PLA2G4E: variants seen among roughly 807,000 people sequenced by gnomAD.
PLA2G4E encodes the protein cytosolic phospholipase A2 epsilon.
In PLA2G4E, 84 loss-of-function variants were observed where a neutral mutation model predicts 109.1. That is an observed-to-expected ratio of 0.77 (90% confidence interval 0.65 to 0.92). PLA2G4E has a LOEUF of 0.92. PLA2G4E is among the 40% of genes least tolerant of loss of function. PLA2G4E has a pLI of 0.00. For synonymous variants in PLA2G4E, 469 were observed against 436.1 expected, an observed-to-expected ratio of 1.08 and a Z score of -0.94; for missense variants, 1,057 against 1,076.6, an observed-to-expected ratio of 0.98 and a Z score of 0.25.
In PLA2G4E at chr15:42,007,727, A is replaced by G; in HGVS notation, c.393+2T>C. On this transcript the variant is annotated splice_donor_variant, in intron 3 of 19. Transcript: ENST00000399518. LOFTEE classifies it high-confidence loss of function. The stretch of plus-strand genomic sequence containing the variant: ...AGACAGGTGCAGTCCTCCATGTCTC[A>G]CCTTCACTCGGCTCTGGATCTGGAA... 2 of 1,611,504 alleles carry G rather than the reference A, an allele frequency of 1.2e-6. No homozygotes were observed. The highest frequency in any genetic ancestry group is 1.7e-6 in the Non-Finnish European group (2 of 1,178,882).
chr15:42,032,785 A>T (rs910381088), intron 1 of PLA2G4E, among the ~76,000 whole-genome samples: 2 of 152,220 alleles, frequency 1.3e-5, no homozygotes, highest in African/African-American at 2.4e-5. Flanking sequence ...CAGACTAAAA[A>T]TTGTGTTTGA....
In PLA2G4E at chr15:41,984,916, G is replaced by A. The variant is rs547850788; in HGVS notation, c.2203-297C>T. 3.0e-4 allele frequency among the ~76,000 whole-genome samples: 46 copies of A among 152,308 alleles called. 1 individual carries two copies. The highest frequency in any genetic ancestry group is 1.1e-3 in the African/African-American group (45 of 41,570). The stretch of plus-strand genomic sequence containing the variant: ...GATGTGGTGGGTAGCCTGGAAGGGC[G>A]ACTGGAACCAGGCTATACACAGCCA... On this transcript the variant is annotated intron_variant, in intron 18 of 19. Transcript: ENST00000399518.
intron 7 of PLA2G4E, 35 bp from the exon 8 acceptor site, chr15:42,000,317 G>A (rs1476105836): frequency 1.3e-6 from 2 of 1,531,350 alleles, no homozygotes; most frequent in East Asian, 2.4e-5. Flanking sequence ...GACCCTGGGA[G>A]CCTCTCACTA....
chr15:42,008,007 G>T, intron 2 of PLA2G4E, 142 bp from the exon 3 acceptor site: 1 of 962,738 alleles, frequency 1.0e-6, no homozygotes. Context: ...TAACTTTCCA[G>T]AGACTCAGAT....
exon 20 of PLA2G4E, chr15:41,982,164 G>A (rs1669459942): frequency 6.6e-6 from 1 of 152,188 alleles, no homozygotes; most frequent in Non-Finnish European, 1.5e-5. Context: ...AGACTGCTTA[G>A]GGAGCATGGT....
In PLA2G4E at chr15:42,046,221, A is replaced by G. The variant is rs74008960; in HGVS notation, c.183+4300T>C. Among the ~76,000 whole-genome samples the G allele has an allele frequency of 2.2e-3, 333 of 152,326 alleles. 1 individual carries two copies. Among genetic ancestry groups the G allele is most frequent in the African/African-American group, 7.8e-3 (323 of 41,586 alleles). ...AATCCATGCTCCACAAAACAGACAA[A>G]GTGATGCAGGTAAAACATAAAACAG... On this transcript the variant is annotated intron_variant, in intron 1 of 19. Coordinates refer to ENST00000399518, the Ensembl canonical transcript of PLA2G4E.
intron 1 of PLA2G4E, among the ~76,000 whole-genome samples, chr15:42,025,595 G>A (rs1170526434): frequency 1.3e-5 from 2 of 152,066 alleles, no homozygotes; most frequent in Non-Finnish European, 2.9e-5. Flanking sequence ...CCCATTGTAT[G>A]CAGGCGAAGT....
chr15:42,007,116 C>T (rs1326615418), intron 3 of PLA2G4E, among the ~76,000 whole-genome samples: 1 of 152,226 alleles, frequency 6.6e-6, no homozygotes, highest in Admixed American at 6.5e-5. Flanking sequence ...GCCTCAAGCA[C>T]CTCCAGACTG....
At chr15:42,001,391 T>A (rs2068418227) in intron 6 of PLA2G4E, among the ~76,000 whole-genome samples, 171 bp from the exon 7 acceptor site, 1 of 152,148 alleles carries the variant, frequency 6.6e-6, no homozygotes, top group Non-Finnish European at 1.5e-5. Flanking sequence ...AATCAAGGCA[T>A]GCCATCTCAC....
chr15:41,982,778 C>CT (rs1428223825), exon 20 of PLA2G4E: 1 of 152,268 alleles, frequency 6.6e-6, no homozygotes, highest in African/African-American at 2.4e-5. Flanking sequence ...GAGCTGGATG[C>CT]TTGGGCATGG....
intron 2 of PLA2G4E, chr15:42,010,144 CGG>C: frequency 4.4e-5 from 22 of 497,100 alleles, no homozygotes; most frequent in South Asian, 1.4e-4. Flanking sequence ...CCCCCCACCC[CGG>C]GCCTGGACCA....
chr15:42,046,424 C>T (rs1279860838), intron 1 of PLA2G4E, among the ~76,000 whole-genome samples: 2 of 152,198 alleles, frequency 1.3e-5, no homozygotes, highest in African/African-American at 2.4e-5. Context: ...CCTGTTTCTA[C>T]AAAAGGTCAA....
intron 2 of PLA2G4E, among the ~76,000 whole-genome samples, chr15:42,010,878 T>C (rs1281104026): frequency 2.0e-5 from 3 of 152,240 alleles, no homozygotes; most frequent in Admixed American, 1.3e-4. Flanking sequence ...CCATTTGGCC[T>C]CTTGGAAACT....
intron 12 of PLA2G4E, among the ~76,000 whole-genome samples, 189 bp downstream of exon 12, chr15:41,995,171 G>T (rs1244351419): frequency 1.3e-5 from 2 of 152,270 alleles, no homozygotes. Flanking sequence ...GCACTGTGCA[G>T]ATACACAAGC....
intron 15 of PLA2G4E, 48 bp from the exon 16 acceptor site, chr15:41,988,204 C>G: frequency 1.4e-6 from 2 of 1,393,076 alleles, no homozygotes; most frequent in Non-Finnish European, 2.0e-6. Flanking sequence ...AGCCCCAGGC[C>G]CCACACTGAC....
chr15:42,033,761 G>C (rs1321773908), intron 1 of PLA2G4E, among the ~76,000 whole-genome samples: 1 of 152,176 alleles, frequency 6.6e-6, no homozygotes, highest in Non-Finnish European at 1.5e-5. Context: ...CCCTCTCCCT[G>C]CTGCCGCCCC....
At chr15:42,002,281 A>AAG (rs1487772562) in intron 6 of PLA2G4E, among the ~76,000 whole-genome samples, 1 of 150,498 alleles carries the variant, frequency 6.6e-6, no homozygotes, top group African/African-American at 2.5e-5. Context: ...AAAAAAAAAA[A>AAG]AAAAAAGGTA....
intron 1 of PLA2G4E, among the ~76,000 whole-genome samples, chr15:42,027,629 G>A (rs972077092): frequency 1.3e-5 from 2 of 152,200 alleles, no homozygotes; most frequent in East Asian, 3.8e-4. Context: ...ATTCAAGCCT[G>A]CCCCTCACTT....
At chr15:42,029,085 G>A (rs1889071781) in intron 1 of PLA2G4E, among the ~76,000 whole-genome samples, 1 of 151,988 alleles carries the variant, frequency 6.6e-6, no homozygotes, top group African/African-American at 2.4e-5. Context: ...CCAGCTTAGT[G>A]CTTTTCTTTT....
Sources: gnomAD v4.1 joint callset for allele counts (sites outside exome capture counted in the v4.1 genomes callset) on GRCh38, gnomAD v4.1.1 for gene constraint, MANE v1.5 for transcripts, NCBI Gene and HGNC (gene_info 2026-07-23, HGNC 2026-07-21) for gene names.